The following GRID1 variants were observed in gnomAD, a reference collection of about 807,000 sequenced individuals.
GRID1 encodes the protein glutamate receptor ionotropic, delta-1.
GRID1 carries 28 observed loss-of-function variants against 98.0 expected under a neutral mutation model. The ratio of observed to expected loss-of-function variants is 0.29; its 90% CI spans 0.21 to 0.39. The LOEUF is 0.39. GRID1 is among the 10% of genes least tolerant of loss of function. The probability of loss-of-function intolerance (pLI) is 1.00; values close to 1 mark genes in which losing one functional copy is unlikely to be tolerated. For missense variants in GRID1, 1,111 were observed against 1,340.5 expected (o/e 0.83, Z 2.67); for synonymous variants, 553 against 538.5 (o/e 1.03, Z -0.37).
At position 85,748,642 on chromosome 10, in the gene GRID1, T is replaced by C. The variant is rs1352519417; in HGVS notation, c.1234-19028A>G. 3.9e-5 allele frequency among the ~76,000 whole-genome samples: 6 copies of C among 152,178 alleles called. No homozygotes were observed. In the East Asian group the frequency reaches 1.2e-3, roughly 29 times the overall value. On this transcript the variant is annotated intron_variant, in intron 8 of 15. Transcript: ENST00000327946. The stretch of plus-strand genomic sequence containing the variant: ...TTGTTTCCTTAAATTAGAACACATA[T>C]TAACATTGATAGCAGGTCCTCGTGA...
chr10:86,076,339 T>C (rs1843880179), intron 4 of GRID1, among the ~76,000 whole-genome samples: 1 of 152,154 alleles, frequency 6.6e-6, no homozygotes, highest in Non-Finnish European at 1.5e-5. Flanking sequence ...GATATGAAGA[T>C]ATGATAAAAA....
At chr10:85,708,450 A>T (rs983865419) in intron 12 of GRID1, among the ~76,000 whole-genome samples, 7 of 152,196 alleles carry the variant, frequency 4.6e-5, no homozygotes, top group African/African-American at 1.7e-4. Context: ...CAGAAATACA[A>T]TACATGCTGA....
In GRID1 at chr10:85,600,004, T is replaced by C. The variant is rs1259065375; in HGVS notation, c.*2269A>G. Reference sequence around the variant, plus strand: ...CCTCTCTTTCCTCCTTGACACTCATTCTAAGCAGAACCATCCAAGAAGACA... The same window carrying C: ...CCTCTCTTTCCTCCTTGACACTCATCCTAAGCAGAACCATCCAAGAAGACA... On this transcript the variant is annotated 3_prime_UTR_variant, in exon 16 of 16. Transcript: ENST00000327946. 1 of 150,750 alleles carries C rather than the reference T, an allele frequency of 6.6e-6. No homozygotes were observed. Among genetic ancestry groups the C allele is most frequent in the Non-Finnish European group, 1.5e-5 (1 of 67,934 alleles). The allele number at this position is 150,750 out of a possible 1,614,324, so 9.3% of individuals were successfully genotyped here. A position where few individuals can be genotyped will look rare whatever the true frequency, so the allele number is the denominator to read the frequency against.
At chr10:86,099,743 C>A (rs1013750283) in intron 4 of GRID1, among the ~76,000 whole-genome samples, 4 of 152,166 alleles carry the variant, frequency 2.6e-5, no homozygotes, top group Non-Finnish European at 5.9e-5. Flanking sequence ...GACCAGAGGC[C>A]CAGCCATCTG....
chr10:85,889,410 T>C (rs1589288876), intron 5 of GRID1, among the ~76,000 whole-genome samples: 1 of 152,352 alleles, frequency 6.6e-6, no homozygotes, highest in East Asian at 1.9e-4. Context: ...TTTTTTAGAT[T>C]CCACTTGAGT....
rs1037829887 is a variant in GRID1, at chr10:85,710,502, A to G, written c.1997+12501T>C. Among the ~76,000 whole-genome samples, 8 of 152,142 alleles carry G rather than the reference A, an allele frequency of 5.3e-5. No individual in the cohort carries two copies. The East Asian group carries it at 1.5e-3, about 29-fold the overall frequency. On this transcript the variant is annotated intron_variant, in intron 12 of 15. Coordinates refer to ENST00000327946, the MANE Select transcript of GRID1 (RefSeq NM_017551.3). ...GGCTCAAAGATTTAAATTTAACACT[A>G]AAATCATAAAACTCCCAGAAGAAAA...
rs72841472 is a variant in GRID1, at chr10:85,753,397, C to T, written c.1234-23783G>A. Among the ~76,000 whole-genome samples, 1,339 of 152,218 alleles carry T rather than the reference C, an allele frequency of 8.8e-3. 56 individuals are homozygous for T. The East Asian group carries it at 0.13, about 15-fold the overall frequency. On this transcript the variant is annotated intron_variant, in intron 8 of 15. Coordinates refer to ENST00000327946, the MANE Select transcript of GRID1 (RefSeq NM_017551.3). ...GGCCAGGACCAAGGCCTAAATGATT[C>T]GGCTGGTAAAGAGATGACAAGCCAC...
At chr10:85,639,907 T>A (rs572475219) in intron 13 of GRID1, among the ~76,000 whole-genome samples, 7 of 152,206 alleles carry the variant, frequency 4.6e-5, no homozygotes, top group African/African-American at 7.2e-5. Context: ...TTTTCTAACA[T>A]ATAGTAGATG....
intron 8 of GRID1, among the ~76,000 whole-genome samples, chr10:85,770,007 C>G (rs1165573096): frequency 1.3e-5 from 2 of 152,200 alleles, no homozygotes; most frequent in African/African-American, 2.4e-5. Flanking sequence ...GATCTGAGAA[C>G]GGGCAGACTG....
At chr10:86,330,105 G>A (rs896498225) in intron 2 of GRID1, among the ~76,000 whole-genome samples, 2 of 151,998 alleles carry the variant, frequency 1.3e-5, no homozygotes, top group African/African-American at 2.4e-5. Flanking sequence ...TATCATGGAC[G>A]AGACCGTGAC....
At chr10:85,834,929 C>T (rs1375758514) in intron 8 of GRID1, among the ~76,000 whole-genome samples, 1 of 151,956 alleles carries the variant, frequency 6.6e-6, no homozygotes. Flanking sequence ...AAAAATCCAA[C>T]TAAATGCTGT....
chr10:86,319,118 G>C (rs911775009), intron 2 of GRID1, among the ~76,000 whole-genome samples: 1 of 152,152 alleles, frequency 6.6e-6, no homozygotes, highest in South Asian at 2.1e-4. Context: ...CTGGGGTGCT[G>C]CAGGAGCAAG....
chr10:86,348,111 C>T (rs1010910797), intron 2 of GRID1, among the ~76,000 whole-genome samples: 5 of 152,224 alleles, frequency 3.3e-5, no homozygotes, highest in African/African-American at 1.2e-4. Flanking sequence ...CTCTGGGACA[C>T]ACAAGTGTGC....
chr10:85,973,705 A>G (rs1415971013), intron 4 of GRID1, among the ~76,000 whole-genome samples: 2 of 152,214 alleles, frequency 1.3e-5, no homozygotes, highest in African/African-American at 4.8e-5. Flanking sequence ...AATTTTGATG[A>G]GGATTAGGCT....
At chr10:86,055,005 G>A (rs375648864) in intron 4 of GRID1, among the ~76,000 whole-genome samples, 3 of 152,300 alleles carry the variant, frequency 2.0e-5, no homozygotes, top group South Asian at 4.1e-4. Flanking sequence ...CCATGAGAAT[G>A]AGCCTGGGCT....
intron 4 of GRID1, among the ~76,000 whole-genome samples, chr10:86,090,462 C>T (rs904763222): frequency 6.0e-5 from 9 of 149,876 alleles, no homozygotes; most frequent in African/African-American, 2.2e-4. Context: ...CCAGTCTAAA[C>T]AACAGAGACA....
intron 8 of GRID1, among the ~76,000 whole-genome samples, chr10:85,769,681 C>G (rs145764640): frequency 2.0e-5 from 3 of 152,196 alleles, no homozygotes; most frequent in Admixed American, 6.5e-5. Flanking sequence ...TATCCTGCAC[C>G]TGGCTCGGAG....
intron 5 of GRID1, among the ~76,000 whole-genome samples, chr10:85,893,003 A>G (rs1265505079): frequency 6.6e-6 from 1 of 152,152 alleles, no homozygotes. Context: ...CTTTAGCTAA[A>G]ATATTTTAAT....
chr10:86,216,815 T>C (rs566368556), intron 2 of GRID1, among the ~76,000 whole-genome samples: 4 of 151,900 alleles, frequency 2.6e-5, no homozygotes, highest in African/African-American at 9.7e-5. Context: ...CACAGGGAGC[T>C]CTCTGAGGAG....
Sources: allele counts gnomAD v4.1 joint callset (sites outside exome capture counted in the v4.1 genomes callset), GRCh38; gene constraint gnomAD v4.1.1; transcripts MANE v1.5; gene names NCBI Gene and HGNC (gene_info 2026-07-23, HGNC 2026-07-21).